Variants in MDN1 observed in about 807,000 individuals in gnomAD.
MDN1 encodes the protein midasin AAA ATPase 1.
A neutral mutation model predicts 669.2 loss-of-function variants in MDN1; 266 were observed. The observed-to-expected ratio is 0.40, with a 90% CI of 0.36 to 0.44. The LOEUF is 0.44. Among genes scored for constraint, MDN1 ranks in the 20% least tolerant of loss-of-function variants. The probability of loss-of-function intolerance (pLI) is 1.00; values close to 1 mark genes in which losing one functional copy is unlikely to be tolerated. For synonymous variants in MDN1, 2,385 were observed against 2,457.1 expected (o/e 0.97, Z 0.87); for missense variants, 5,940 against 6,754.0 (o/e 0.88, Z 4.22).
intron 33 of MDN1, among the ~76,000 whole-genome samples, chr6:89,733,537 A>T (rs1295925856): frequency 2.6e-5 from 4 of 151,962 alleles, no homozygotes; most frequent in Non-Finnish European, 5.9e-5. Flanking sequence ...GCTATAATAT[A>T]AAGCAGCCTC....
intron 8 of MDN1, among the ~76,000 whole-genome samples, chr6:89,787,173 T>G (rs1819010403): frequency 6.6e-6 from 1 of 152,032 alleles, no homozygotes; most frequent in Non-Finnish European, 1.5e-5. Context: ...TTAACTGAGG[T>G]AAACACTAAT....
Position 89,716,994 on chromosome 6 carries a change from G to A in MDN1, c.6584-185C>T, listed in dbSNP as rs1016995263. Among the ~76,000 whole-genome samples the A allele has an allele frequency of 1.1e-4, 16 of 152,302 alleles. 2 individuals carry two copies. Among genetic ancestry groups the A allele is most frequent in the Admixed American group, 9.8e-4 (15 of 15,298 alleles). Reference sequence around the variant, plus strand: ...AAGTTAAGTTTAAGACAGAAAATACGTTTTAATGGCTCTCTGTATTAATAG... The same window carrying A: ...AAGTTAAGTTTAAGACAGAAAATACATTTTAATGGCTCTCTGTATTAATAG... On this transcript the variant is annotated intron_variant, in intron 43 of 101. Transcript: ENST00000369393.
At chr6:89,750,271 T>C in intron 24 of MDN1, 83 bp downstream of exon 24, 1 of 1,384,674 alleles carries the variant, frequency 7.2e-7, no homozygotes. Context: ...GTGCCTCAAT[T>C]GGAAAGGATG....
intron 2 of MDN1, among the ~76,000 whole-genome samples, chr6:89,796,840 G>C (rs535602582): frequency 1.3e-5 from 2 of 151,056 alleles, no homozygotes; most frequent in African/African-American, 2.4e-5. Flanking sequence ...AGGCTGAGGC[G>C]GGTGGATCAC....
Position 89,701,624 on chromosome 6 carries a change from G to T in MDN1, c.8361C>A (p.Ser2787Arg). ...TTATACCAGCGAAGCCACCAGTCTG[G>T]CTCCCCAGACAATTCTGAATATGTT... The part of the protein sequence containing the change: ...VSEHIQNCLG[S>R]QTGGFAGIKK... The change falls in exon 55 of 102, where the codon AGC (serine) becomes AGA (arginine). Residue 2787 changes from serine (S) to arginine (R), a missense_variant. Ser to Arg is a moderately radical substitution (Grantham distance 110). Transcript: ENST00000369393. The T allele has an allele frequency of 6.2e-7, 1 of 1,614,134 alleles. No individual in the cohort carries two copies. The highest frequency in any genetic ancestry group is 8.5e-7 in the Non-Finnish European group (1 of 1,179,992).
chr6:89,708,743 G>C (rs979455852), intron 50 of MDN1, 115 bp from the exon 51 acceptor site: 3 of 1,161,046 alleles, frequency 2.6e-6, no homozygotes, highest in Non-Finnish European at 3.7e-6. Flanking sequence ...ATCATGATGG[G>C]GAAGAGGTTG....
In MDN1 at chr6:89,718,590, T is replaced by A; in HGVS notation, c.6359A>T (p.Lys2120Met). ...LIRPWRRLLE[K>M]VEGTVRALLR... ...CAGTGCCCTTACAGTTCCCTCCACC[T>A]TCTCTAGCAGCCTCCTCCAAGGTCG... The change falls in exon 43 of 102, where the codon AAG (lysine) becomes ATG (methionine). Residue 2120 changes from lysine (K) to methionine (M), a missense_variant. By Grantham distance (95) the Lys-to-Met change is moderately conservative. This residue lies in a region of MDN1 where 2,292 missense variants were observed against 2,638.3 expected (regional missense o/e 0.87). Transcript: ENST00000369393. 6.2e-7 allele frequency: 1 copy of A among 1,614,152 alleles called. No homozygotes were observed. The highest frequency in any genetic ancestry group is 8.5e-7 in the Non-Finnish European group (1 of 1,180,008).
At position 89,650,047 on chromosome 6, in the gene MDN1, T is replaced by C; in HGVS notation, c.16183A>G (p.Met5395Val). The C allele has an allele frequency of 6.2e-7, 1 of 1,614,142 alleles. No individual in the cohort carries two copies. The highest frequency in any genetic ancestry group is 8.5e-7 in the Non-Finnish European group (1 of 1,180,022). The change falls in exon 97 of 102, where the codon ATG becomes GTG. Residue 5395 changes from methionine (M) to valine (V), a missense_variant. Met to Val is a conservative substitution (Grantham distance 21). Around this residue, in one of 5 missense-constraint regions of MDN1, gnomAD observed 2,280 missense variants for 2,576.3 expected, o/e 0.88. Transcript: ENST00000369393. ...ICLAIDDSSS[M>V]VDNHTKQLAF... The stretch of plus-strand genomic sequence containing the variant: ...ACCTGCTTGGTATGATTGTCTACCA[T>C]ACTAGAAGAGTCATCGATAGCCAAA...
chr6:89,788,348 A>G (rs548040927), intron 7 of MDN1, among the ~76,000 whole-genome samples: 28 of 152,234 alleles, frequency 1.8e-4, no homozygotes, highest in Non-Finnish European at 3.7e-4. Context: ...ATGATTTAGA[A>G]GCAGGGCAGT....
intron 52 of MDN1, 76 bp from the exon 53 acceptor site, chr6:89,706,268 G>C: frequency 7.0e-7 from 1 of 1,438,742 alleles, no homozygotes; most frequent in South Asian, 1.5e-5. Context: ...AAAATAAACT[G>C]TAATCTAGAA....
Position 89,758,258 on chromosome 6 carries a change from T to C in MDN1, c.2699A>G (p.Asn900Ser), listed in dbSNP as rs770284269. ...GKRNLPPGIR[N>S]RFTELYVEEL... ...TCTCCAAGAACCAAACCCTCACCTGTTTCTTATTCCTGGTGGGAGATTTCT... is the reference window on the plus strand; with the variant it reads ...TCTCCAAGAACCAAACCCTCACCTGCTTCTTATTCCTGGTGGGAGATTTCT... Residue 900 changes from asparagine (N) to serine (S), a missense_variant, in exon 19 of 102, where the codon AAC becomes AGC. This residue lies in a region of MDN1 where 1,203 missense variants were observed against 1,268.9 expected (regional missense o/e 0.95). Coordinates refer to ENST00000369393, the MANE Select transcript of MDN1 (RefSeq NM_014611.3). 1 of 1,606,380 alleles carries C rather than the reference T, an allele frequency of 6.2e-7. No individual in the cohort carries two copies. Among genetic ancestry groups the C allele is most frequent in the Non-Finnish European group, 8.5e-7 (1 of 1,175,050 alleles).
intron 85 of MDN1, 117 bp downstream of exon 85, chr6:89,664,370 A>G: frequency 7.6e-7 from 1 of 1,312,530 alleles, no homozygotes; most frequent in Non-Finnish European, 1.1e-6. Flanking sequence ...GCACTTAAGC[A>G]CAGTAACCAA....
chr6:89,716,581 T>C (rs1814388218), intron 44 of MDN1, 69 bp downstream of exon 44: 2 of 1,514,148 alleles, frequency 1.3e-6, no homozygotes. Context: ...CACTTCTATC[T>C]GGGTTTCTAC....
chr6:89,732,865 G>C (rs969060338), intron 33 of MDN1, 90 bp from the exon 34 acceptor site: 3 of 1,139,356 alleles, frequency 2.6e-6, no homozygotes, highest in Non-Finnish European at 3.8e-6. Context: ...TGGCCTAAAA[G>C]GGGTCTCTGC....
chr6:89,668,211 T>G (rs1810405163), intron 83 of MDN1, 60 bp from the exon 84 acceptor site: 8 of 1,593,798 alleles, frequency 5.0e-6, no homozygotes, highest in Non-Finnish European at 6.8e-6. Context: ...AAAAGGAGAT[T>G]TCATTCTTGC....
intron 2 of MDN1, chr6:89,797,708 T>C: frequency 2.2e-6 from 1 of 449,092 alleles, no homozygotes; most frequent in Non-Finnish European, 4.5e-6. Flanking sequence ...GTGGTGGCTA[T>C]TACAGAGGTG....
intron 31 of MDN1, 87 bp from the exon 32 acceptor site, chr6:89,740,465 AGT>A: frequency 7.8e-7 from 1 of 1,283,282 alleles, no homozygotes; most frequent in Non-Finnish European, 1.0e-6. Flanking sequence ...GAAAAAAAAA[AGT>A]TATCTTCTTT....
rs774244988 is a variant in MDN1, at chr6:89,715,650, T to C, written c.6860+3A>G. The C allele has an allele frequency of 6.4e-7, 1 of 1,567,830 alleles. No homozygotes were observed. The stretch of plus-strand genomic sequence containing the variant: ...GAGGCAGAAATGTAAGAGATACAAA[T>C]ACCTGAAATTGGGATTTGGTGTTAT... On this transcript the variant is annotated splice_donor_region_variant and intron_variant, in intron 45 of 101. Transcript: ENST00000369393.
At chr6:89,771,291 A>T (rs1818066704) in intron 15 of MDN1, among the ~76,000 whole-genome samples, 1 of 152,174 alleles carries the variant, frequency 6.6e-6, no homozygotes, top group East Asian at 1.9e-4. Context: ...AAGTGCCAGA[A>T]GTTCCCTGCC....
Sources: gnomAD v4.1 joint callset for allele counts (sites outside exome capture counted in the v4.1 genomes callset) on GRCh38, gnomAD v4.1.1 for gene constraint, gnomAD v4.1.1 regional missense constraint, MANE v1.5 for transcripts, NCBI Gene and HGNC (gene_info 2026-07-23, HGNC 2026-07-21) for gene names.